OOEP: variants seen among roughly 807,000 people sequenced by gnomAD.
OOEP encodes oocyte-expressed protein homolog.
In OOEP, 16 loss-of-function variants were observed where a neutral mutation model predicts 13.7. The ratio of observed to expected loss-of-function variants is 1.16; its 90% CI spans 0.79 to 1.77. OOEP has a LOEUF of 1.77. Ranked by LOEUF, OOEP falls within the 40% of genes most tolerant of loss-of-function variation. OOEP has a pLI of 0.00. For synonymous variants in OOEP, 89 were observed against 77.1 expected (o/e 1.15, Z -0.81); for missense variants, 195 against 193.1 (o/e 1.01, Z -0.06).
exon 1 of OOEP, chr6:73,394,815 T>A: frequency 6.5e-7 from 1 of 1,541,748 alleles, no homozygotes; most frequent in Admixed American, 1.9e-5. Flanking sequence ...AGCGGCTGCG[T>A]GGCTTCCCTG....
intron 2 of OOEP, among the ~76,000 whole-genome samples, chr6:73,392,940 G>C (rs910805429): frequency 2.0e-5 from 3 of 150,978 alleles, no homozygotes; most frequent in Non-Finnish European, 4.4e-5. Flanking sequence ...AATATTTTTT[G>C]CATTTTTATT....
At chr6:73,387,384 G>A (rs1468330921) in intron 2 of OOEP, among the ~76,000 whole-genome samples, 1 of 151,786 alleles carries the variant, frequency 6.6e-6, no homozygotes, top group Admixed American at 6.6e-5. Context: ...TGTGGTGGCA[G>A]GTGCCTTTAA....
At chr6:73,387,575 T>A (rs2150783057) in intron 2 of OOEP, 1 of 152,134 alleles carries the variant, frequency 6.6e-6, no homozygotes, top group Non-Finnish European at 1.5e-5. Context: ...AGTATTCATG[T>A]TTATATAATT....
intron 1 of OOEP, 51 bp downstream of exon 1, chr6:73,369,552 C>A: frequency 6.4e-7 from 1 of 1,573,758 alleles, no homozygotes; most frequent in East Asian, 2.2e-5. Context: ...TCTGCCAAGC[C>A]TCTCTCAGAC....
intron 2 of OOEP, among the ~76,000 whole-genome samples, chr6:73,379,832 C>T (rs1034644373): frequency 6.6e-6 from 1 of 152,002 alleles, no homozygotes; most frequent in Non-Finnish European, 1.5e-5. Context: ...AAGCAGTCTG[C>T]CCACTTCCAA....
chr6:73,369,134 G>T, intron 2 of OOEP, 72 bp downstream of exon 2: 1 of 1,460,542 alleles, frequency 6.8e-7, no homozygotes, highest in Non-Finnish European at 9.3e-7. Context: ...AAGGGAGGAT[G>T]GAAGGAAACC....
intron 2 of OOEP, among the ~76,000 whole-genome samples, chr6:73,379,993 A>G (rs1049110966): frequency 5.3e-5 from 8 of 152,224 alleles, no homozygotes; most frequent in Non-Finnish European, 1.2e-4. Flanking sequence ...TCTTTCTACT[A>G]TACCAACACT....
chr6:73,374,593 GT>G (rs1035473771), upstream of OOEP, among the ~76,000 whole-genome samples: 6 of 151,906 alleles, frequency 3.9e-5, no homozygotes, highest in African/African-American at 1.5e-4. Flanking sequence ...GGAGTTTTTT[GT>G]TTTTGTTTTT....
chr6:73,387,770 A>C (rs1361557841), intron 2 of OOEP: 1 of 151,846 alleles, frequency 6.6e-6, no homozygotes, highest in African/African-American at 2.4e-5. Context: ...TTTTTGTATT[A>C]ATGTTTATAT....
chr6:73,368,968 T>G, intron 2 of OOEP, 105 bp from the exon 3 acceptor site: 1 of 940,588 alleles, frequency 1.1e-6, no homozygotes, highest in Non-Finnish European at 1.7e-6. Flanking sequence ...TCTGCGATAG[T>G]GCTGTAACCC....
At chr6:73,384,909 G>A (rs1334762134) in intron 2 of OOEP, among the ~76,000 whole-genome samples, 1 of 151,580 alleles carries the variant, frequency 6.6e-6, no homozygotes, top group East Asian at 2.0e-4. Flanking sequence ...GGTAATTTTT[G>A]TATTTTTAGT....
intron 2 of OOEP, among the ~76,000 whole-genome samples, chr6:73,386,528 A>C (rs1335102966): frequency 6.6e-6 from 1 of 152,240 alleles, no homozygotes; most frequent in Non-Finnish European, 1.5e-5. Flanking sequence ...TTACAAGTTT[A>C]GTAAGTGTAT....
chr6:73,393,237 C>T (rs1358178909), intron 2 of OOEP, among the ~76,000 whole-genome samples: 7 of 152,102 alleles, frequency 4.6e-5, no homozygotes, highest in African/African-American at 1.7e-4. Context: ...CCCACCTCAG[C>T]CTCCTGAGTA....
At chr6:73,375,451 G>A (rs1256483833) in intron 2 of OOEP, among the ~76,000 whole-genome samples, 1 of 151,956 alleles carries the variant, frequency 6.6e-6, no homozygotes, top group Non-Finnish European at 1.5e-5. Flanking sequence ...GGTGTCTCAT[G>A]CCTTGTAGTC....
At chr6:73,382,214 A>ATTTTTT (rs70994196) in intron 2 of OOEP, among the ~76,000 whole-genome samples, 3 of 98,084 alleles carry the variant, frequency 3.1e-5, no homozygotes, top group African/African-American at 4.1e-5. Flanking sequence ...CACCTGGCTA[A>ATTTTTT]TTTTTTTTTT....
intron 2 of OOEP, among the ~76,000 whole-genome samples, chr6:73,381,812 TCTA>T (rs956371352): frequency 7.2e-5 from 11 of 152,082 alleles, no homozygotes; most frequent in Non-Finnish European, 1.0e-4. Context: ...GAAACCCATG[TCTA>T]CTAAAAAGGC....
intron 2 of OOEP, among the ~76,000 whole-genome samples, chr6:73,392,050 T>A (rs570078868): frequency 6.6e-6 from 1 of 152,318 alleles, no homozygotes; most frequent in East Asian, 1.9e-4. Context: ...ATAGAATGAG[T>A]TAGGAAGTAT....
At chr6:73,374,623 T>C (rs781554971), upstream of OOEP, among the ~76,000 whole-genome samples, 4 of 152,138 alleles carry the variant, frequency 2.6e-5, no homozygotes, top group Non-Finnish European at 5.9e-5. Context: ...GGTTTCACCA[T>C]ATTGTCCAAG....
Position 73,369,722 on chromosome 6 carries a change from A to C in OOEP, c.71T>G (p.Leu24Arg), listed in dbSNP as rs779531741. The change falls in exon 1 of 3, where the codon CTG becomes CGG. Residue 24 changes from leucine to arginine, a missense_variant. Transcript: ENST00000370359. Reference protein sequence around the residue: ...KQTPAHSLEQLRRLPLPPPQI... With the variant: ...KQTPAHSLEQRRRLPLPPPQI... The stretch of plus-strand genomic sequence containing the variant: ...TGGCGGCGGAAGTGGTAACCTACGC[A>C]GCTGCTCCAGGGAGTGGGCCGGAGT... The C allele has an allele frequency of 2.5e-6, 4 of 1,613,936 alleles. No individual in the cohort carries two copies. Among genetic ancestry groups the C allele is most frequent in the Non-Finnish European group, 3.4e-6 (4 of 1,179,902 alleles).
Sources: gnomAD v4.1 joint callset for allele counts (sites outside exome capture counted in the v4.1 genomes callset) on GRCh38, gnomAD v4.1.1 for gene constraint, MANE v1.5 for transcripts, NCBI Gene and HGNC (gene_info 2026-07-23, HGNC 2026-07-21) for gene names.